Variants in ENGASE observed in about 807,000 individuals in gnomAD.
ENGASE encodes the protein endo-beta-N-acetylglucosaminidase.
A neutral mutation model predicts 78.5 loss-of-function variants in ENGASE; 69 were observed. The observed-to-expected ratio is 0.88, with a 90% confidence interval of 0.72 to 1.07. The LOEUF (loss-of-function observed/expected upper bound fraction) is 1.07. Ranked by LOEUF, ENGASE falls within the 50% of genes least tolerant of loss-of-function variation. ENGASE has a pLI of 0.00. For synonymous variants in ENGASE, 408 were observed against 408.9 expected, an observed-to-expected ratio of 1.00 and a Z score of 0.03; for missense variants, 943 against 988.4, an observed-to-expected ratio of 0.95 and a Z score of 0.62.
At position 79,079,518 on chromosome 17, in the gene ENGASE, C is replaced by T. The variant is rs879683420; in HGVS notation, c.446C>T (p.Pro149Leu). 36 of 1,613,902 alleles carry T rather than the reference C, an allele frequency of 2.2e-5. No homozygotes were observed. Among genetic ancestry groups the T allele is most frequent in the Non-Finnish European group, 3.0e-5 (35 of 1,180,016 alleles). ...RFIQGSVVQT[P>L]YAFYHWQCID... ...ATTCAGGGCTCGGTGGTGCAGACTCCCTATGCTTTCTACCACTGGCAGTGC... is the reference window on the plus strand; with the variant it reads ...ATTCAGGGCTCGGTGGTGCAGACTCTCTATGCTTTCTACCACTGGCAGTGC... The change falls in exon 4 of 14, where the codon CCC becomes CTC. Residue 149 changes from proline (P) to leucine (L), a missense_variant. Coordinates refer to ENST00000579016, the MANE Select transcript of ENGASE (RefSeq NM_001042573.3).
intron 1 of ENGASE, 36 bp downstream of exon 1, chr17:79,075,126 G>A (rs2072936591): frequency 8.3e-7 from 1 of 1,202,758 alleles, no homozygotes; most frequent in South Asian, 4.1e-5. Context: ...CCCGATCCGC[G>A]GGGCTGAGAG....
chr17:79,075,778 T>A (rs2072954615), intron 1 of ENGASE: 8 of 985,440 alleles, frequency 8.1e-6, no homozygotes, highest in Non-Finnish European at 8.4e-6. Flanking sequence ...CTGCTGAGCA[T>A]TTCAGACCTC....
chr17:79,084,233 C>T, intron 10 of ENGASE: 1 of 505,334 alleles, frequency 2.0e-6, no homozygotes, highest in Non-Finnish European at 3.4e-6. Flanking sequence ...TGCACATTAG[C>T]CCCCCATCCT....
chr17:79,074,848 C>G lies in ENGASE; in HGVS notation c.-97C>G, dbSNP rs1264738156. On this transcript the variant is annotated 5_prime_UTR_variant, in exon 1 of 14. Coordinates refer to ENST00000579016, the MANE Select transcript of ENGASE (RefSeq NM_001042573.3). ...CGGGAGTCAGCTCGGAGTCCCGTCC[C>G]AGCGCGGCGTCAGCGCTGCGCACTT... The G allele has an allele frequency of 4.5e-5, 54 of 1,206,262 alleles. No homozygotes were observed. The highest frequency in any genetic ancestry group is 5.3e-5 in the Non-Finnish European group (51 of 970,534). The allele number at this position is 1,206,262 out of a possible 1,614,324, so 74.7% of individuals were successfully genotyped here. A position where few individuals can be genotyped will look rare whatever the true frequency, so the allele number is the denominator to read the frequency against.
chr17:79,077,641 A>T, intron 2 of ENGASE, 22 bp from the exon 3 acceptor site: 1 of 1,612,554 alleles, frequency 6.2e-7, no homozygotes, highest in Non-Finnish European at 8.5e-7. Context: ...TTAATTGCTC[A>T]ATGTTTCTGT....
chr17:79,083,561 A>G lies in ENGASE; in HGVS notation c.1222A>G (p.Met408Val). ...LPFVTSFCLGMGARRVCYGQE... is the reference protein window; with the variant it reads ...LPFVTSFCLGVGARRVCYGQE... ...TTTCGTCACGTCCTTCTGCCTGGGC[A>G]TGGGTGCACGGAGGGTCTGCTATGG... The change falls in exon 9 of 14, where the codon ATG (methionine) becomes GTG (valine). Residue 408 changes from methionine (M) to valine (V), a missense_variant. Physicochemically the swap from Met to Val is conservative, Grantham distance 21. Transcript: ENST00000579016. This position sits in a 1 kb window ranked among gnomAD's most constrained non-coding sequence, Gnocchi z 4.9. 1 of 1,614,054 alleles carries G rather than the reference A, an allele frequency of 6.2e-7. No individual in the cohort carries two copies. Among genetic ancestry groups the G allele is most frequent in the South Asian group, 1.1e-5 (1 of 91,074 alleles).
In ENGASE at chr17:79,080,262, C is replaced by T. The variant is rs199791449; in HGVS notation, c.621C>T (p.Ala207=). The change falls in exon 5 of 14, where the codon GCC becomes GCT. Residue 207 remains alanine, a synonymous_variant. Coordinates refer to ENST00000579016, the MANE Select transcript of ENGASE (RefSeq NM_001042573.3). ...EGGRLCEAFL[A]GDERSYQAVA... is the part of the protein sequence containing the mutation. The stretch of plus-strand genomic sequence containing the variant: ...GAAGGCTCTGTGAAGCCTTCCTGGC[C>T]GGGGATGAGCGCTCGTACCAGGCAG... 112 of 1,613,340 alleles carry T rather than the reference C, an allele frequency of 6.9e-5. No homozygotes were observed. The highest frequency in any genetic ancestry group is 2.0e-4 in the South Asian group (18 of 91,036).
Position 79,083,488 on chromosome 17 carries a change from G to A in ENGASE, c.1149G>A (p.Trp383Ter). Residue 383 changes from tryptophan to a stop codon, truncating the protein, a stop_gained, in exon 9 of 14, where the codon TGG (tryptophan) becomes TGA (stop). Coordinates refer to ENST00000579016, the MANE Select transcript of ENGASE (RefSeq NM_001042573.3). LOFTEE classifies it high-confidence loss of function. This position sits in a 1 kb window ranked among gnomAD's most constrained non-coding sequence, Gnocchi z 4.9. ...KDFFQNQDKFWGRLERYLPTH... is the reference protein window; with the variant it reads ...KDFFQNQDKF ...GCCCCCATGTCTCTGGCAGGTTCTGGGGCCGACTGGAGCGTTATCTGCCCA... is the reference window on the plus strand; with the variant it reads ...GCCCCCATGTCTCTGGCAGGTTCTGAGGCCGACTGGAGCGTTATCTGCCCA... 6.2e-7 allele frequency: 1 copy of A among 1,613,930 alleles called. No individual in the cohort carries two copies.
chr17:79,083,208 T>C lies in ENGASE; in HGVS notation c.1142+85T>C. 9.7e-7 allele frequency: 1 copy of C among 1,029,702 alleles called. No individual in the cohort carries two copies. The highest frequency in any genetic ancestry group is 1.4e-5 in the South Asian group (1 of 70,204). The allele number at this position is 1,029,702 out of a possible 1,614,324, so 63.8% of individuals were successfully genotyped here. On this transcript the variant is annotated intron_variant, in intron 8 of 13. Transcript: ENST00000579016. The surrounding 1 kb of genome is among the most constrained non-coding windows in gnomAD (Gnocchi z 4.9). Reference sequence around the variant, plus strand: ...TCTCTGATAGGACACGTTTGTGCTCTTTAGTGACCCTTCCTATGGGGGGGT... The same window carrying C: ...TCTCTGATAGGACACGTTTGTGCTCCTTAGTGACCCTTCCTATGGGGGGGT...
At chr17:79,082,610 C>T in intron 7 of ENGASE, 1 of 1,277,752 alleles carries the variant, frequency 7.8e-7, no homozygotes, top group Non-Finnish European at 1.0e-6. Flanking sequence ...TCTATCAGTC[C>T]TGCCCGTTCC....
chr17:79,082,822 G>A (rs868202647), intron 7 of ENGASE, 198 bp from the exon 8 acceptor site: 42 of 1,514,580 alleles, frequency 2.8e-5, no homozygotes, highest in Non-Finnish European at 3.1e-5. Context: ...CGCCTCTCCC[G>A]CGCCCTCTTC....
intron 7 of ENGASE, 109 bp from the exon 8 acceptor site, chr17:79,082,911 C>T (rs1485309326): frequency 1.3e-6 from 2 of 1,570,938 alleles, no homozygotes; most frequent in South Asian, 2.3e-5. Context: ...GACAGCTTCC[C>T]CCTCCCGTTT....
rs948760336 is a variant in ENGASE at position 79,082,377 on chromosome 17, G to T, written c.1038+314G>T. 8 of 1,276,322 alleles carry T rather than the reference G, an allele frequency of 6.3e-6. No individual in the cohort carries two copies. In the African/African-American group the frequency reaches 1.2e-4, roughly 19 times the overall value. The allele number at this position is 1,276,322 out of a possible 1,614,324, so 79.1% of individuals were successfully genotyped here. The stretch of plus-strand genomic sequence containing the variant: ...GCCTCCTGTCCCAGCTGCGTTCCTT[G>T]ATCTTCCCCGTGAGGGAAGCCTGCG... On this transcript the variant is annotated intron_variant, in intron 7 of 13. Coordinates refer to ENST00000579016, the MANE Select transcript of ENGASE (RefSeq NM_001042573.3).
rs1228615509 is a variant in ENGASE at position 79,083,136 on chromosome 17, G to A, written c.1142+13G>A. 1.3e-6 allele frequency: 2 copies of A among 1,586,370 alleles called. No homozygotes were observed. Among genetic ancestry groups the A allele is most frequent in the Non-Finnish European group, 1.7e-6 (2 of 1,155,644 alleles). On this transcript the variant is annotated intron_variant, in intron 8 of 13. Coordinates refer to ENST00000579016, the MANE Select transcript of ENGASE (RefSeq NM_001042573.3). The surrounding 1 kb of genome is among the most constrained non-coding windows in gnomAD (Gnocchi z 4.9). ...AGAACCAGGACAAGTGAGTCCTGCT[G>A]TCCTGGGTGCTTAGTGCAGGCTGAT...
At chr17:79,081,749 TGTGGGGTGGG>T (rs55950748) in intron 6 of ENGASE, 139 bp from the exon 7 acceptor site, 6,417 of 636,820 alleles carry the variant, frequency 0.01, 83 homozygotes, top group African/African-American at 0.078. Context: ...GCTGAGGCTG[TGTGGGGTGGG>T]GTGGGGTGGG....
At position 79,083,999 on chromosome 17, in the gene ENGASE, A is replaced by G; in HGVS notation, c.1442+48A>G. 1.3e-6 allele frequency: 2 copies of G among 1,525,476 alleles called. No individual in the cohort carries two copies. Among genetic ancestry groups the G allele is most frequent in the Non-Finnish European group, 1.8e-6 (2 of 1,112,338 alleles). 94.5% of individuals were successfully genotyped at this position (1,525,476 alleles called of 1,614,324 possible). A position where few individuals can be genotyped will look rare whatever the true frequency, so the allele number is the denominator to read the frequency against. ...TGGGCCCACCAGCTTCTCCCATCAC[A>G]CGTGGTGGCCATGGAACTGGACAGA... On this transcript the variant is annotated intron_variant, in intron 10 of 13. Transcript: ENST00000579016. The surrounding 1 kb of genome is among the most constrained non-coding windows in gnomAD (Gnocchi z 4.9).
chr17:79,075,938 T>C (rs1348348162), intron 1 of ENGASE: 2 of 976,188 alleles, frequency 2.0e-6, no homozygotes, highest in Non-Finnish European at 2.4e-6. Flanking sequence ...AGGGGGTGGC[T>C]GAAGTATAAT....
Position 79,083,862 on chromosome 17 carries a change from G to T in ENGASE, c.1353G>T (p.Thr451=). The part of the protein sequence containing the change: ...LGGDGRGWVR[T]HCCLEDAWHG... ...GGGATGGCCGGGGCTGGGTGAGGAC[G>T]CACTGCTGCCTGGAGGATGCCTGGC... The change falls in exon 10 of 14, where the codon ACG becomes ACT. Residue 451 remains threonine (T), a synonymous_variant. Transcript: ENST00000579016. The surrounding 1 kb of genome is among the most constrained non-coding windows in gnomAD (Gnocchi z 4.9). 6.2e-7 allele frequency: 1 copy of T among 1,612,600 alleles called. No individual in the cohort carries two copies. Among genetic ancestry groups the T allele is most frequent in the Non-Finnish European group, 8.5e-7 (1 of 1,179,784 alleles).
At chr17:79,085,158 G>A in intron 11 of ENGASE, 76 bp from the exon 12 acceptor site, 4 of 1,177,428 alleles carry the variant, frequency 3.4e-6, no homozygotes, top group Non-Finnish European at 5.1e-6. Flanking sequence ...GGACTCCTGG[G>A]GCGCCCTTGG....
Sources: allele counts gnomAD v4.1 joint callset, GRCh38; gene constraint gnomAD v4.1.1; non-coding constraint Gnocchi (gnomAD v3.1); transcripts MANE v1.5; gene names NCBI Gene and HGNC (gene_info 2026-07-23, HGNC 2026-07-21).